Variants in CAMK2B observed in about 807,000 individuals in gnomAD.
CAMK2B encodes the protein calcium/calmodulin-dependent protein kinase type II subunit beta.
CAMK2B carries 27 observed loss-of-function variants against 93.7 expected under a neutral mutation model. The ratio of observed to expected loss-of-function variants is 0.29; its 90% CI spans 0.21 to 0.40. The LOEUF is 0.40. Ranked by LOEUF, CAMK2B falls within the 10% of genes least tolerant of loss-of-function variation. The probability of loss-of-function intolerance (pLI) is 1.00; values close to 1 mark genes in which losing one functional copy is unlikely to be tolerated. For synonymous variants in CAMK2B, 374 were observed against 358.8 expected, an observed-to-expected ratio of 1.04 and a Z score of -0.48; for missense variants, 568 against 895.8, an observed-to-expected ratio of 0.63 and a Z score of 4.67.
chr7:44,301,588 C>T (rs1790048904), intron 1 of CAMK2B, among the ~76,000 whole-genome samples: 2 of 152,078 alleles, frequency 1.3e-5, no homozygotes, highest in African/African-American at 4.8e-5. Context: ...ACCAGCCTGG[C>T]CAACATGGTG....
chr7:44,291,377 G>A (rs74487858), intron 1 of CAMK2B, among the ~76,000 whole-genome samples: 13,607 of 152,106 alleles, frequency 0.089, 818 homozygotes, highest in Non-Finnish European at 0.12. Context: ...CTGGCAAGAC[G>A]TCCCCCAGGT....
intron 1 of CAMK2B, among the ~76,000 whole-genome samples, chr7:44,314,054 T>C (rs1794233506): frequency 6.6e-6 from 1 of 152,180 alleles, no homozygotes; most frequent in South Asian, 2.1e-4. Flanking sequence ...CTCAGCAATG[T>C]GAACGTCGAG....
At chr7:44,282,332 T>G (rs1405673869) in intron 2 of CAMK2B, among the ~76,000 whole-genome samples, 1 of 152,166 alleles carries the variant, frequency 6.6e-6, no homozygotes, top group African/African-American at 2.4e-5. Flanking sequence ...CCAAAAGAGC[T>G]GACCAGCAGG....
At chr7:44,277,016 C>T (rs2097052266) in intron 2 of CAMK2B, among the ~76,000 whole-genome samples, 1 of 152,196 alleles carries the variant, frequency 6.6e-6, no homozygotes, top group Non-Finnish European at 1.5e-5. Context: ...GCACCAGGCT[C>T]TCCACAGCAT....
At chr7:44,229,532 G>T in intron 17 of CAMK2B, 31 bp from the exon 18 acceptor site, 1 of 1,177,752 alleles carries the variant, frequency 8.5e-7, no homozygotes, top group Non-Finnish European at 1.1e-6. Flanking sequence ...CAGGCAGGTG[G>T]GTGGTGCGCC....
intron 1 of CAMK2B, among the ~76,000 whole-genome samples, chr7:44,318,662 T>G (rs143108308): frequency 6.6e-6 from 1 of 152,344 alleles, no homozygotes; most frequent in East Asian, 1.9e-4. Flanking sequence ...CCTCCAGGCT[T>G]CTCTTGCTGC....
chr7:44,219,237 G>A lies in CAMK2B; in HGVS notation c.*288C>T, dbSNP rs1243811074. On this transcript the variant is annotated 3_prime_UTR_variant, in exon 24 of 24. Transcript: ENST00000395749. Reference sequence around the variant, plus strand: ...GAGCTTGGGTGGGGAGTGGCCCCACGAATGCCAGTGATTTTTACAGCTTTT... The same window carrying A: ...GAGCTTGGGTGGGGAGTGGCCCCACAAATGCCAGTGATTTTTACAGCTTTT... 1.3e-5 allele frequency: 2 copies of A among 150,722 alleles called. No individual in the cohort carries two copies. The highest frequency in any genetic ancestry group is 4.9e-5 in the African/African-American group (2 of 41,006). 9.3% of individuals were successfully genotyped at this position (150,722 alleles called of 1,614,324 possible).
At chr7:44,228,597 G>A (rs1273472515) in intron 19 of CAMK2B, among the ~76,000 whole-genome samples, 199 bp downstream of exon 19, 3 of 152,094 alleles carry the variant, frequency 2.0e-5, no homozygotes, top group Non-Finnish European at 2.9e-5. Context: ...AGGGGTCTGG[G>A]CCCCTTAGGG....
chr7:44,241,577 CA>C, intron 11 of CAMK2B, 122 bp downstream of exon 11: 1 of 731,754 alleles, frequency 1.4e-6, no homozygotes, highest in Non-Finnish European at 2.4e-6. Flanking sequence ...GACTTGCTAA[CA>C]GTCAGTCTTG....
chr7:44,302,456 G>T (rs1790335758), intron 1 of CAMK2B, among the ~76,000 whole-genome samples: 1 of 152,052 alleles, frequency 6.6e-6, no homozygotes. Flanking sequence ...TTAAAGAAAA[G>T]AAATATACAG....
chr7:44,321,768 G>A (rs528701939), intron 1 of CAMK2B, among the ~76,000 whole-genome samples: 180 of 152,240 alleles, frequency 1.2e-3, no homozygotes, highest in African/African-American at 3.9e-3. Context: ...GAAGATTCAC[G>A]AGGCTGAATA....
rs781356963 is a variant in CAMK2B, at chr7:44,232,873, A to G, written c.1132-7T>C. On this transcript the variant is annotated splice_region_variant and splice_polypyrimidine_tract_variant and intron_variant, in intron 15 of 23. Transcript: ENST00000395749. ...TGACGGTGGTTTGAGGCTCCTACAG[A>G]AGAAGGAAGACACAGAGGAAGGAAA... 6.2e-7 allele frequency: 1 copy of G among 1,613,368 alleles called. No individual in the cohort carries two copies. Among genetic ancestry groups the G allele is most frequent in the African/African-American group, 1.3e-5 (1 of 75,000 alleles).
At position 44,250,119 on chromosome 7, in the gene CAMK2B, G is replaced by T. The variant is rs553516265; in HGVS notation, c.342-2927C>A. Among the ~76,000 whole-genome samples, 29 of 152,314 alleles carry T rather than the reference G, an allele frequency of 1.9e-4. No individual in the cohort carries two copies. In the South Asian group the frequency reaches 6.0e-3, roughly 32 times the overall value. ...GCAAGCCAGGGGTCCCCAAGACAAC[G>T]CTGGGCCAGGCTGCACCCAGCAGGG... On this transcript the variant is annotated intron_variant, in intron 5 of 23. Coordinates refer to ENST00000395749, the MANE Select transcript of CAMK2B (RefSeq NM_001220.5).
chr7:44,253,908 T>TG (rs1554401498), intron 5 of CAMK2B, among the ~76,000 whole-genome samples: 1 of 150,126 alleles, frequency 6.7e-6, no homozygotes. Flanking sequence ...TCAGTTTTTT[T>TG]TTTTTTTTTT....
In CAMK2B at chr7:44,302,561, C is replaced by A. The variant is rs540259601; in HGVS notation, c.66-18336G>T. On this transcript the variant is annotated intron_variant, in intron 1 of 23. Coordinates refer to ENST00000395749, the MANE Select transcript of CAMK2B (RefSeq NM_001220.5). ...TATAAAAAGAATTATATATCATGAT[C>A]ATGCGGGATTTATCCCAGGTATGCA... is the stretch of plus-strand genomic sequence containing the variant. Among the ~76,000 whole-genome samples, 8 of 152,304 alleles carry A rather than the reference C, an allele frequency of 5.3e-5. No individual in the cohort carries two copies. In the South Asian group the frequency reaches 1.7e-3, roughly 32 times the overall value.
intron 1 of CAMK2B, among the ~76,000 whole-genome samples, chr7:44,308,278 G>A (rs867689889): frequency 5.9e-5 from 9 of 152,334 alleles, no homozygotes; most frequent in African/African-American, 9.6e-5. Flanking sequence ...AGAAATTCCA[G>A]GGACAAGCTG....
chr7:44,266,655 G>A (rs1416161695), intron 2 of CAMK2B, among the ~76,000 whole-genome samples: 1 of 152,180 alleles, frequency 6.6e-6, no homozygotes, highest in African/African-American at 2.4e-5. Context: ...GGCCTGTGGC[G>A]AGAACACAGC....
Position 44,220,314 on chromosome 7 carries a change from C to T in CAMK2B, c.1769-20G>A, listed in dbSNP as rs576126838. On this transcript the variant is annotated intron_variant, in intron 22 of 23. Transcript: ENST00000395749. ...CCAGCACTGTGGACAGCAGGCGGGG[C>T]GGGGGTCTCGGGTTACCATGACTGC... The T allele has an allele frequency of 2.2e-5, 35 of 1,584,280 alleles. No individual in the cohort carries two copies. The highest frequency in any genetic ancestry group is 6.7e-5 in the East Asian group (3 of 44,526).
intron 20 of CAMK2B, among the ~76,000 whole-genome samples, chr7:44,221,774 G>A (rs931266154): frequency 2.6e-5 from 4 of 152,218 alleles, no homozygotes; most frequent in Non-Finnish European, 4.4e-5. Flanking sequence ...ACTGGCCTCC[G>A]GGGCGCTCAC....
Sources: allele counts gnomAD v4.1 joint callset (sites outside exome capture counted in the v4.1 genomes callset), GRCh38; gene constraint gnomAD v4.1.1; transcripts MANE v1.5; gene names NCBI Gene and HGNC (gene_info 2026-07-23, HGNC 2026-07-21).